The following MAF variants were observed in gnomAD, a reference collection of about 807,000 sequenced individuals.
The protein encoded by MAF is MAF bZIP transcription factor.
A neutral mutation model predicts 22.0 loss-of-function variants in MAF; 10 were observed. The ratio of observed to expected loss-of-function variants is 0.45; its 90% CI spans 0.28 to 0.77. The LOEUF is 0.77. MAF is among the 30% of genes least tolerant of loss of function. The probability of loss-of-function intolerance (pLI) is 0.12; values close to 1 mark genes in which losing one functional copy is unlikely to be tolerated. For synonymous variants in MAF, 337 were observed against 255.8 expected, an observed-to-expected ratio of 1.32 and a Z score of -3.03; for missense variants, 544 against 548.4, an observed-to-expected ratio of 0.99 and a Z score of 0.08.
chr16:79,303,299 T>A, the MAF span, among the ~76,000 whole-genome samples: 1 of 152,216 alleles, frequency 6.6e-6, no homozygotes, highest in East Asian at 1.9e-4. Flanking sequence ...ATGTTTTTAA[T>A]AAGTAAGTGT....
At chr16:79,281,169 T>C in the MAF span, among the ~76,000 whole-genome samples, 1 of 151,186 alleles carries the variant, frequency 6.6e-6, no homozygotes, top group Non-Finnish European at 1.5e-5. Flanking sequence ...GGACGGAAGA[T>C]GTGCACATAC....
chr16:79,441,101 G>A, the MAF span, among the ~76,000 whole-genome samples: 1 of 152,160 alleles, frequency 6.6e-6, no homozygotes, highest in Non-Finnish European at 1.5e-5. Flanking sequence ...CTCTTCCCCA[G>A]CCATAGATTA....
the MAF span, among the ~76,000 whole-genome samples, chr16:79,514,083 G>A: frequency 6.6e-6 from 1 of 152,096 alleles, no homozygotes; most frequent in African/African-American, 2.4e-5. Flanking sequence ...TTTAATTTCT[G>A]AAATGTTTAA....
the MAF span, among the ~76,000 whole-genome samples, chr16:79,320,697 A>G: frequency 4.6e-5 from 7 of 152,216 alleles, no homozygotes; most frequent in Non-Finnish European, 1.5e-5. Context: ...GGGACTTTTA[A>G]CACTTATCCC....
chr16:79,519,524 C>T, the MAF span, among the ~76,000 whole-genome samples: 2 of 152,186 alleles, frequency 1.3e-5, no homozygotes, highest in Non-Finnish European at 2.9e-5. Context: ...GTTCTGGCCT[C>T]CCTTACCACT....
At chr16:79,332,361 C>T in the MAF span, among the ~76,000 whole-genome samples, 2,144 of 152,134 alleles carry the variant, frequency 0.014, 32 homozygotes, top group Non-Finnish European at 0.019. Context: ...TGTGCAGTGG[C>T]GCTGTCACAT....
the MAF span, among the ~76,000 whole-genome samples, chr16:79,556,840 G>C: frequency 6.6e-6 from 1 of 152,142 alleles, no homozygotes; most frequent in Non-Finnish European, 1.5e-5. Context: ...CCACACCATA[G>C]AGTCATTGTA....
the MAF span, among the ~76,000 whole-genome samples, chr16:79,503,393 T>A: frequency 6.6e-6 from 1 of 152,218 alleles, no homozygotes; most frequent in African/African-American, 2.4e-5. Context: ...CTAAGAGCTT[T>A]ATAAAAAATT....
the MAF span, among the ~76,000 whole-genome samples, chr16:79,367,934 G>C: frequency 6.6e-6 from 1 of 152,196 alleles, no homozygotes; most frequent in Admixed American, 6.5e-5. Flanking sequence ...TTTCCAAAGA[G>C]AAAATAAATG....
At chr16:79,390,762 A>T in the MAF span, among the ~76,000 whole-genome samples, 17 of 152,268 alleles carry the variant, frequency 1.1e-4, no homozygotes, top group East Asian at 3.1e-3. Flanking sequence ...AGAGAAATTA[A>T]TTGTCCTTGT....
chr16:79,404,164 C>CTTTTTTTTTTTTTTTTTT, the MAF span, among the ~76,000 whole-genome samples: 1 of 122,092 alleles, frequency 8.2e-6, no homozygotes, highest in African/African-American at 3.1e-5. Flanking sequence ...TCTGGATTTT[C>CTTTTTTTTTTTTTTTTTT]TTTTTTTTTT....
the MAF span, among the ~76,000 whole-genome samples, chr16:79,290,646 T>C: frequency 2.0e-5 from 3 of 152,110 alleles, no homozygotes; most frequent in African/African-American, 7.2e-5. Flanking sequence ...GAGCAGATCA[T>C]CCTGTTGGTC....
At chr16:79,598,018 G>C (rs1046729) in intron 1 of MAF, 226,549 of 994,386 alleles carry the variant, frequency 0.23, 25,286 homozygotes, top group East Asian at 0.39. Flanking sequence ...GGTTCATGAG[G>C]ATTTTTTTCT....
the MAF span, among the ~76,000 whole-genome samples, chr16:79,439,778 C>G: frequency 2.0e-5 from 3 of 152,180 alleles, no homozygotes; most frequent in South Asian, 6.2e-4. Flanking sequence ...GAAGCACCAG[C>G]ATGGATTCTG....
At chr16:79,503,518 T>C in the MAF span, among the ~76,000 whole-genome samples, 31 of 152,356 alleles carry the variant, frequency 2.0e-4, no homozygotes, top group East Asian at 4.4e-3. Context: ...TTGAGATACA[T>C]CTCCCTACTG....
the MAF span, among the ~76,000 whole-genome samples, chr16:79,406,273 G>C: frequency 6.6e-6 from 1 of 152,300 alleles, no homozygotes; most frequent in Admixed American, 6.5e-5. Context: ...GCCAAACCAA[G>C]ACAGAGTGGT....
chr16:79,578,311 G>A, the MAF span, among the ~76,000 whole-genome samples: 1 of 151,608 alleles, frequency 6.6e-6, no homozygotes, highest in Non-Finnish European at 1.5e-5. Flanking sequence ...TTATACCAGG[G>A]ACCCATTTTG....
At chr16:79,525,824 C>T in the MAF span, among the ~76,000 whole-genome samples, 1 of 152,118 alleles carries the variant, frequency 6.6e-6, no homozygotes, top group African/African-American at 2.4e-5. Context: ...GTAGTAACTT[C>T]AGGTTTCATG....
At chr16:79,556,639 C>A in the MAF span, among the ~76,000 whole-genome samples, 1 of 152,182 alleles carries the variant, frequency 6.6e-6, no homozygotes, top group East Asian at 1.9e-4. Flanking sequence ...GATCCTTGGG[C>A]AGCCTTTAAA....
Sources: gnomAD v4.1 joint callset for allele counts (sites outside exome capture counted in the v4.1 genomes callset) on GRCh38, gnomAD v4.1.1 for gene constraint, MANE v1.5 for transcripts, NCBI Gene and HGNC (gene_info 2026-07-23, HGNC 2026-07-21) for gene names.